The following PDE4A variants were observed in gnomAD, a reference collection of about 807,000 sequenced individuals.
PDE4A encodes the protein phosphodiesterase 4A.
A neutral mutation model predicts 73.9 loss-of-function variants in PDE4A; 21 were observed. That is an observed-to-expected ratio of 0.28 (90% confidence interval 0.20 to 0.41). PDE4A has a LOEUF of 0.41. PDE4A is among the 10% of genes least tolerant of loss of function. PDE4A has a pLI of 1.00. For synonymous variants in PDE4A, 463 were observed against 505.4 expected, an observed-to-expected ratio of 0.92 and a Z score of 1.13; for missense variants, 958 against 1,211.4, an observed-to-expected ratio of 0.79 and a Z score of 3.10.
chr19:10,459,008 TG>T, intron 8 of PDE4A: 1 of 189,066 alleles, frequency 5.3e-6, no homozygotes, highest in Non-Finnish European at 1.1e-5. Flanking sequence ...CTTTCTCCCC[TG>T]GGGCTCGTGA....
In PDE4A at chr19:10,461,519, G is replaced by C. The variant is rs767876750; in HGVS notation, c.1466-7G>C. 4 of 1,613,630 alleles carry C rather than the reference G, an allele frequency of 2.5e-6. No homozygotes were observed. In the South Asian group the frequency reaches 3.3e-5, roughly 13 times the overall value. ...GGCCCTCCCCTGACCTCCGGGCTGGGCTGCAGATTCGGAGCTGGCGCTCAT... is the reference window on the plus strand; with the variant it reads ...GGCCCTCCCCTGACCTCCGGGCTGGCCTGCAGATTCGGAGCTGGCGCTCAT... On this transcript the variant is annotated splice_region_variant and splice_polypyrimidine_tract_variant and intron_variant, in intron 11 of 14. Transcript: ENST00000380702.
chr19:10,458,688 G>A lies in PDE4A; in HGVS notation c.1101+586G>A, dbSNP rs900817814. On this transcript the variant is annotated intron_variant, in intron 8 of 14. Coordinates refer to ENST00000380702, the MANE Select transcript of PDE4A (RefSeq NM_001111307.2). This position sits in a 1 kb window ranked among gnomAD's most constrained non-coding sequence, Gnocchi z 4.6. ...GGTTGGAGTGCAGTAGTGTGATCTCGGCTCAAGGCAACCTCCACCTCCTGG... is the reference window on the plus strand; with the variant it reads ...GGTTGGAGTGCAGTAGTGTGATCTCAGCTCAAGGCAACCTCCACCTCCTGG... 5.3e-5 allele frequency among the ~76,000 whole-genome samples: 8 copies of A among 151,468 alleles called. No individual in the cohort carries two copies. Among genetic ancestry groups the A allele is most frequent in the African/African-American group, 1.7e-4 (7 of 41,144 alleles).
chr19:10,435,820 A>G (rs999043498), intron 1 of PDE4A, among the ~76,000 whole-genome samples: 2 of 152,012 alleles, frequency 1.3e-5, no homozygotes. Flanking sequence ...GTGACTCTCC[A>G]TGGCTCAGGG....
chr19:10,469,294 G>T lies in PDE4A; in HGVS notation c.*1673G>T, dbSNP rs2043436892. The T allele has an allele frequency of 2.6e-5, 4 of 152,304 alleles. No homozygotes were observed. Among genetic ancestry groups the T allele is most frequent in the Admixed American group, 2.6e-4 (4 of 15,274 alleles). 9.4% of individuals were successfully genotyped at this position (152,304 alleles called of 1,614,324 possible). ...CTGGCTGACCCAGTCGGGAAGGTAG[G>T]GAAGGAGGTCTCCCGTTGGGAGAGT... On this transcript the variant is annotated 3_prime_UTR_variant, in exon 15 of 15. Coordinates refer to ENST00000380702, the MANE Select transcript of PDE4A (RefSeq NM_001111307.2).
Position 10,420,743 on chromosome 19 carries a change from G to A in PDE4A, c.-22G>A. 1.3e-6 allele frequency: 2 copies of A among 1,530,784 alleles called. No individual in the cohort carries two copies. Among genetic ancestry groups the A allele is most frequent in the South Asian group, 2.4e-5 (2 of 81,916 alleles). The allele number at this position is 1,530,784 out of a possible 1,614,324, so 94.8% of individuals were successfully genotyped here. A position where few individuals can be genotyped will look rare whatever the true frequency, so the allele number is the denominator to read the frequency against. ...GGTTGGAAGGGCCAGGGCCCCCTGG[G>A]GCGCAAGTGGGGGCCGGCGCCATGG... is the stretch of plus-strand genomic sequence containing the variant. On this transcript the variant is annotated 5_prime_UTR_variant, in exon 1 of 15. Coordinates refer to ENST00000380702, the MANE Select transcript of PDE4A (RefSeq NM_001111307.2). This position sits in a 1 kb window ranked among gnomAD's most constrained non-coding sequence, Gnocchi z 6.0.
upstream of PDE4A, chr19:10,419,129 G>A (rs1357968564): frequency 3.1e-6 from 3 of 960,128 alleles, no homozygotes; most frequent in African/African-American, 1.9e-5. Context: ...ACGGCATCGC[G>A]TGCCCTGGGG....
At chr19:10,449,379 A>C (rs1051621727) in intron 4 of PDE4A, among the ~76,000 whole-genome samples, 1 of 151,634 alleles carries the variant, frequency 6.6e-6, no homozygotes, top group East Asian at 1.9e-4. Flanking sequence ...GTTTGTTTTG[A>C]GATCAAGTCT....
chr19:10,466,129 G>A (rs1335062031), intron 14 of PDE4A, among the ~76,000 whole-genome samples: 2 of 146,258 alleles, frequency 1.4e-5, no homozygotes, highest in African/African-American at 2.5e-5. Flanking sequence ...TCAGCCTCCC[G>A]AGTAGCTGGA....
chr19:10,425,326 C>G (rs990548436), intron 1 of PDE4A, among the ~76,000 whole-genome samples: 4 of 152,190 alleles, frequency 2.6e-5, no homozygotes, highest in African/African-American at 9.7e-5. Flanking sequence ...GACTTGGGGT[C>G]AGTGCTTGTG....
At chr19:10,465,850 A>C (rs1397699859) in intron 14 of PDE4A, among the ~76,000 whole-genome samples, 2 of 146,756 alleles carry the variant, frequency 1.4e-5, no homozygotes, top group East Asian at 2.1e-4. Flanking sequence ...ACATGTGCCC[A>C]CCACCATGCC....
intron 1 of PDE4A, among the ~76,000 whole-genome samples, chr19:10,442,815 C>T (rs1363764089): frequency 6.8e-6 from 1 of 147,880 alleles, no homozygotes; most frequent in African/African-American, 2.5e-5. Flanking sequence ...ACTAATATTA[C>T]ATATATAATA....
At chr19:10,463,766 T>C (rs201157677) in intron 13 of PDE4A, 27 bp from the exon 14 acceptor site, 174 of 1,611,948 alleles carry the variant, frequency 1.1e-4, no homozygotes, top group Non-Finnish European at 1.4e-4. Flanking sequence ...GCCTCTGAAG[T>C]TTCCCCTGTG....
intron 1 of PDE4A, 98 bp downstream of exon 1, chr19:10,421,182 G>A: frequency 2.2e-6 from 3 of 1,335,216 alleles, no homozygotes; most frequent in South Asian, 2.0e-5. Context: ...ATGCGGGTGG[G>A]GTCGGTTTGG....
intron 1 of PDE4A, among the ~76,000 whole-genome samples, chr19:10,433,978 C>T (rs1449997914): frequency 6.6e-6 from 1 of 152,190 alleles, no homozygotes; most frequent in African/African-American, 2.4e-5. Flanking sequence ...TGCCTGTAAT[C>T]CCAGCACTTT....
Position 10,420,654 on chromosome 19 carries a change from C to T in PDE4A, c.-111C>T, listed in dbSNP as rs2042636960. On this transcript the variant is annotated 5_prime_UTR_variant, in exon 1 of 15. Coordinates refer to ENST00000380702, the MANE Select transcript of PDE4A (RefSeq NM_001111307.2). The surrounding 1 kb of genome is among the most constrained non-coding windows in gnomAD (Gnocchi z 6.0). ...CTGTCCCCGGGGCGCCATGGCCCTA[C>T]CGCGGCCGGGCGCACCCGCGGGGCC... 7.3e-7 allele frequency: 1 copy of T among 1,364,100 alleles called. No individual in the cohort carries two copies. The highest frequency in any genetic ancestry group is 9.4e-7 in the Non-Finnish European group (1 of 1,066,896). The allele number at this position is 1,364,100 out of a possible 1,614,324, so 84.5% of individuals were successfully genotyped here.
Position 10,421,339 on chromosome 19 carries a change from T to G in PDE4A, c.320+255T>G, listed in dbSNP as rs936363105. ...CGCGTGGTGTTAACGAGGTCTGGGT[T>G]GGGGAAGGGGGCTGCACACTTAGGG... On this transcript the variant is annotated intron_variant, in intron 1 of 14. Coordinates refer to ENST00000380702, the MANE Select transcript of PDE4A (RefSeq NM_001111307.2). 6 of 984,994 alleles carry G rather than the reference T, an allele frequency of 6.1e-6. No individual in the cohort carries two copies. The African/African-American group carries it at 1.0e-4, about 17-fold the overall frequency. 61.0% of individuals were successfully genotyped at this position (984,994 alleles called of 1,614,324 possible). A position where few individuals can be genotyped will look rare whatever the true frequency, so the allele number is the denominator to read the frequency against.
Position 10,449,162 on chromosome 19 carries a change from C to T in PDE4A, c.620+12C>T. The T allele has an allele frequency of 6.2e-7, 1 of 1,612,504 alleles. No individual in the cohort carries two copies. The highest frequency in any genetic ancestry group is 8.5e-7 in the Non-Finnish European group (1 of 1,179,348). The stretch of plus-strand genomic sequence containing the variant: ...GTTCCCAGTAACAAGTAAGTGAAGG[C>T]TGGGCTGCAACAGCTGTGATCATAA... On this transcript the variant is annotated intron_variant, in intron 4 of 14. Transcript: ENST00000380702.
intron 1 of PDE4A, among the ~76,000 whole-genome samples, chr19:10,425,501 G>C (rs1245979862): frequency 1.3e-5 from 2 of 152,216 alleles, no homozygotes; most frequent in African/African-American, 4.8e-5. Context: ...AGAGAGAAAG[G>C]GGGCGTCCCC....
chr19:10,462,863 T>C (rs2043297042), intron 13 of PDE4A, among the ~76,000 whole-genome samples: 1 of 152,024 alleles, frequency 6.6e-6, no homozygotes, highest in Admixed American at 6.6e-5. Flanking sequence ...TCTCCCCACC[T>C]TCTCTCCCTA....
Sources: allele counts gnomAD v4.1 joint callset (sites outside exome capture counted in the v4.1 genomes callset), GRCh38; gene constraint gnomAD v4.1.1; non-coding constraint Gnocchi (gnomAD v3.1); transcripts MANE v1.5; gene names NCBI Gene and HGNC (gene_info 2026-07-23, HGNC 2026-07-21).